Variants in AFAP1L2 observed in about 807,000 individuals in gnomAD.
AFAP1L2 encodes actin filament-associated protein 1-like 2.
Under a neutral mutation model 99.3 loss-of-function variants are expected in AFAP1L2, and 46 were observed. The ratio of observed to expected loss-of-function variants is 0.46; its 90% confidence interval spans 0.37 to 0.59. The LOEUF is 0.59. AFAP1L2 is among the 20% of genes least tolerant of loss of function. The pLI is 0.00. For missense variants in AFAP1L2, 959 were observed against 1,034.9 expected (o/e 0.93, Z 1.01); for synonymous variants, 397 against 419.1 (o/e 0.95, Z 0.64).
chr10:114,288,997 C>A, the AFAP1L2 span: 1 of 1,614,116 alleles, frequency 6.2e-7, no homozygotes, highest in Non-Finnish European at 8.5e-7. Flanking sequence ...CTCAGTAGGG[C>A]CCGAGAATTT....
downstream of AFAP1L2, among the ~76,000 whole-genome samples, chr10:114,294,451 ATT>A (rs1289205696): frequency 1.3e-5 from 2 of 152,020 alleles, no homozygotes; most frequent in Non-Finnish European, 2.9e-5. Context: ...CCCGATTTTG[ATT>A]TTGTCATTTT....
At chr10:114,372,677 A>C (rs1376415995) in intron 1 of AFAP1L2, among the ~76,000 whole-genome samples, 1 of 151,904 alleles carries the variant, frequency 6.6e-6, no homozygotes, top group Non-Finnish European at 1.5e-5. Context: ...TTATATGCAC[A>C]TATGTGTACA....
intron 15 of AFAP1L2, 22 bp from the exon 16 acceptor site, chr10:114,299,437 C>T (rs193097079): frequency 1.2e-6 from 2 of 1,613,254 alleles, no homozygotes; most frequent in East Asian, 2.2e-5. Context: ...GAGAGGGAAG[C>T]CCCAGGTAAG....
Position 114,295,150 on chromosome 10 carries a change from A to T in AFAP1L2, c.*892T>A, listed in dbSNP as rs534909001. On this transcript the variant is annotated 3_prime_UTR_variant, in exon 19 of 19. Transcript: ENST00000304129. ...TTCTTGGAAGGAGAATGAACATTAA[A>T]CAGAACTTAAAATCAGAGACTATTT... The T allele has an allele frequency of 6.1e-6, 6 of 985,820 alleles. No homozygotes were observed. The East Asian group carries it at 5.7e-4, about 93-fold the overall frequency. 61.1% of individuals were successfully genotyped at this position (985,820 alleles called of 1,614,324 possible).
At chr10:114,312,670 C>A (rs565690583) in intron 7 of AFAP1L2, among the ~76,000 whole-genome samples, 97 of 152,352 alleles carry the variant, frequency 6.4e-4, no homozygotes, top group African/African-American at 2.3e-3. Flanking sequence ...AGAGCCCTGG[C>A]TCTTAAATGC....
At chr10:114,393,991 C>A (rs907136405) in intron 1 of AFAP1L2, among the ~76,000 whole-genome samples, 3 of 152,122 alleles carry the variant, frequency 2.0e-5, no homozygotes, top group Non-Finnish European at 4.4e-5. Context: ...CTTGGGATGG[C>A]GGTGGGAGGA....
intron 1 of AFAP1L2, among the ~76,000 whole-genome samples, chr10:114,381,426 A>C (rs630668): frequency 0.18 from 27,020 of 152,166 alleles, 3,052 homozygotes; most frequent in Non-Finnish European, 0.25. Flanking sequence ...TAAAAGGTAC[A>C]AGGTTTTTTA....
At position 114,384,040 on chromosome 10, in the gene AFAP1L2, C is replaced by T. The variant is rs548125957; in HGVS notation, c.16+20400G>A. Among the ~76,000 whole-genome samples, 230 of 152,246 alleles carry T rather than the reference C, an allele frequency of 1.5e-3. 1 individual carries two copies. The highest frequency in any genetic ancestry group is 3.4e-3 in the Middle Eastern group (1 of 294). On this transcript the variant is annotated intron_variant, in intron 1 of 18. Coordinates refer to ENST00000304129, the MANE Select transcript of AFAP1L2 (RefSeq NM_001001936.3). ...CCCAGTGCCCTTGTCCATCCAATGA[C>T]AAAGGATGCAACAACATGGTCTGCC...
At chr10:114,314,088 G>A in intron 6 of AFAP1L2, 38 bp from the exon 7 acceptor site, 2 of 1,582,078 alleles carry the variant, frequency 1.3e-6, no homozygotes, top group Non-Finnish European at 1.7e-6. Flanking sequence ...CTTTGCCAGG[G>A]GTGCCGGGCG....
At chr10:114,305,495 C>G (rs1386757594) in intron 10 of AFAP1L2, among the ~76,000 whole-genome samples, 6 of 74,276 alleles carry the variant, frequency 8.1e-5, no homozygotes, top group East Asian at 4.0e-4. Context: ...GGGGACGGGG[C>G]TGCAGGAGGA....
At chr10:114,318,195 G>C (rs141099047) in intron 5 of AFAP1L2, among the ~76,000 whole-genome samples, 4 of 152,178 alleles carry the variant, frequency 2.6e-5, no homozygotes, top group Non-Finnish European at 5.9e-5. Context: ...TGCATTATCT[G>C]TATAATAAGC....
At chr10:114,305,823 G>C (rs372347368) in intron 10 of AFAP1L2, among the ~76,000 whole-genome samples, 27 of 100,058 alleles carry the variant, frequency 2.7e-4, no homozygotes, top group East Asian at 1.8e-3. Context: ...CAGGAGGGGA[G>C]GCAGATCCAG....
chr10:114,356,054 A>G (rs1203484286), intron 1 of AFAP1L2, among the ~76,000 whole-genome samples: 9 of 152,170 alleles, frequency 5.9e-5, no homozygotes, highest in African/African-American at 2.2e-4. Context: ...ACAATATAAA[A>G]TACATTTCTT....
chr10:114,361,922 T>C (rs932539604), intron 1 of AFAP1L2, among the ~76,000 whole-genome samples: 4 of 152,196 alleles, frequency 2.6e-5, no homozygotes, highest in Admixed American at 2.6e-4. Context: ...CTGGTATTCT[T>C]CTGCGATTCT....
At chr10:114,346,643 A>G (rs1222912928) in intron 1 of AFAP1L2, among the ~76,000 whole-genome samples, 2 of 152,132 alleles carry the variant, frequency 1.3e-5, no homozygotes, top group African/African-American at 4.8e-5. Context: ...CATCCCCCAC[A>G]CTTTCATTTC....
chr10:114,394,139 C>CG (rs947425845), intron 1 of AFAP1L2, among the ~76,000 whole-genome samples: 2 of 152,082 alleles, frequency 1.3e-5, no homozygotes, highest in East Asian at 1.9e-4. Context: ...TGCACTGTGC[C>CG]GGGGGGACGA....
chr10:114,315,040 C>G (rs1388771195), intron 6 of AFAP1L2, among the ~76,000 whole-genome samples: 2 of 152,168 alleles, frequency 1.3e-5, no homozygotes, highest in African/African-American at 4.8e-5. Context: ...ACTCAGGAGG[C>G]TGAGGCAGGA....
At chr10:114,335,982 A>G (rs1296705597) in intron 2 of AFAP1L2, among the ~76,000 whole-genome samples, 1 of 139,848 alleles carries the variant, frequency 7.2e-6, no homozygotes, top group Admixed American at 7.6e-5. Context: ...TCATTAACTA[A>G]GTTCACATAC....
intron 1 of AFAP1L2, among the ~76,000 whole-genome samples, chr10:114,349,383 CAAAA>C (rs113553514): frequency 5.8e-5 from 5 of 86,238 alleles, no homozygotes; most frequent in East Asian, 3.9e-4. Context: ...AACTCGGTCT[CAAAA>C]AAAAAAAAAA....
Sources: allele counts gnomAD v4.1 joint callset (sites outside exome capture counted in the v4.1 genomes callset), GRCh38; gene constraint gnomAD v4.1.1; transcripts MANE v1.5; gene names NCBI Gene and HGNC (gene_info 2026-07-23, HGNC 2026-07-21).